PTPRT: variants seen among roughly 807,000 people sequenced by gnomAD.
PTPRT encodes receptor-type tyrosine-protein phosphatase T.
Under a neutral mutation model 176.8 loss-of-function variants are expected in PTPRT, and 56 were observed. The observed-to-expected ratio is 0.32, with a 90% CI of 0.26 to 0.40. The LOEUF is 0.40. PTPRT is among the 10% of genes least tolerant of loss of function. PTPRT has a pLI of 1.00. For missense variants in PTPRT, 1,540 were observed against 1,908.2 expected (o/e 0.81, Z 3.60); for synonymous variants, 783 against 739.0 (o/e 1.06, Z -0.96).
At position 42,138,826 on chromosome 20, in the gene PTPRT, G is replaced by A. The variant is rs374196447; in HGVS notation, c.2770+3089C>T. Among the ~76,000 whole-genome samples, 32 of 152,144 alleles carry A rather than the reference G, an allele frequency of 2.1e-4. No individual in the cohort carries two copies. The East Asian group carries it at 3.1e-3, about 15-fold the overall frequency. On this transcript the variant is annotated intron_variant, in intron 18 of 30. Coordinates refer to ENST00000373187, the MANE Select transcript of PTPRT (RefSeq NM_007050.6). ...TCACTTGGAAGAAAGGAGATATTTC[G>A]CCAAGGTCTCTTGTTGTTTCTTTTG...
intron 13 of PTPRT, among the ~76,000 whole-genome samples, chr20:42,280,027 T>C (rs902313148): frequency 6.6e-6 from 1 of 152,152 alleles, no homozygotes; most frequent in Non-Finnish European, 1.5e-5. Context: ...GGACTTCATA[T>C]GCTTCCAAAG....
intron 12 of PTPRT, among the ~76,000 whole-genome samples, chr20:42,283,760 C>T (rs2057179904): frequency 6.6e-6 from 1 of 152,128 alleles, no homozygotes; most frequent in African/African-American, 2.4e-5. Context: ...GAACCAGACA[C>T]ATGGCCATGC....
chr20:42,780,184 T>A, intron 4 of PTPRT, 34 bp downstream of exon 4: 1 of 1,558,958 alleles, frequency 6.4e-7, no homozygotes, highest in Non-Finnish European at 8.9e-7. Flanking sequence ...CTGGCATGGA[T>A]CAAGGCTGTG....
chr20:42,998,116 C>T (rs571611250), intron 1 of PTPRT, among the ~76,000 whole-genome samples: 2 of 152,272 alleles, frequency 1.3e-5, no homozygotes, highest in East Asian at 3.9e-4. Context: ...AAGCTACCCC[C>T]TCTATGGAAA....
intron 1 of PTPRT, among the ~76,000 whole-genome samples, chr20:43,137,268 G>C (rs2146392507): frequency 6.6e-6 from 1 of 152,334 alleles, no homozygotes; most frequent in South Asian, 2.1e-4. Context: ...CAAGATGTCA[G>C]TGTTCTTTCT....
chr20:42,759,671 G>C (rs1363374388), intron 5 of PTPRT, among the ~76,000 whole-genome samples: 1 of 152,206 alleles, frequency 6.6e-6, no homozygotes, highest in Non-Finnish European at 1.5e-5. Flanking sequence ...CTACCACTTG[G>C]CTTCTCGGAA....
intron 2 of PTPRT, among the ~76,000 whole-genome samples, chr20:42,873,345 G>A (rs1201899496): frequency 6.6e-6 from 1 of 152,126 alleles, no homozygotes; most frequent in Non-Finnish European, 1.5e-5. Flanking sequence ...CACTGCATAG[G>A]GTTTTGTGAA....
intron 17 of PTPRT, among the ~76,000 whole-genome samples, chr20:42,151,739 G>A (rs1247152271): frequency 6.6e-6 from 1 of 152,156 alleles, no homozygotes. Flanking sequence ...TTTCACAATG[G>A]TAGAAACATC....
the PTPRT span, among the ~76,000 whole-genome samples, chr20:42,065,203 C>T: frequency 2.6e-5 from 4 of 152,296 alleles, no homozygotes; most frequent in Admixed American, 2.0e-4. Context: ...TCCTGACCCA[C>T]AAAATTATGA....
At chr20:42,215,890 C>T (rs551136888) in intron 15 of PTPRT, among the ~76,000 whole-genome samples, 1 of 152,164 alleles carries the variant, frequency 6.6e-6, no homozygotes, top group Non-Finnish European at 1.5e-5. Flanking sequence ...TAGGGCCATT[C>T]CTTGCTGAGC....
intron 15 of PTPRT, among the ~76,000 whole-genome samples, chr20:42,235,511 C>G (rs115008926): frequency 2.0e-5 from 3 of 152,028 alleles, no homozygotes. Flanking sequence ...TCTGCCCTCT[C>G]GGCCTCCAAA....
intron 1 of PTPRT, among the ~76,000 whole-genome samples, chr20:43,125,557 G>A (rs535189887): frequency 1.3e-5 from 2 of 152,284 alleles, no homozygotes; most frequent in Non-Finnish European, 2.9e-5. Flanking sequence ...CTTAAATCTA[G>A]ACTTGGCTTG....
intron 7 of PTPRT, among the ~76,000 whole-genome samples, chr20:42,532,970 T>C (rs2072411742): frequency 6.6e-6 from 1 of 152,108 alleles, no homozygotes; most frequent in African/African-American, 2.4e-5. Context: ...TCCCCACTCT[T>C]AATGCAGGGA....
chr20:42,721,309 G>C (rs952685786), intron 6 of PTPRT, among the ~76,000 whole-genome samples: 1 of 152,222 alleles, frequency 6.6e-6, no homozygotes, highest in Non-Finnish European at 1.5e-5. Context: ...GGATGTCAAG[G>C]GAAGTGCATG....
At chr20:42,441,437 A>C (rs2059314858) in intron 9 of PTPRT, among the ~76,000 whole-genome samples, 1 of 152,196 alleles carries the variant, frequency 6.6e-6, no homozygotes, top group Admixed American at 6.5e-5. Flanking sequence ...GCAGTAAGCA[A>C]TGGGAAGAGG....
chr20:42,639,498 T>A (rs2074688289), intron 7 of PTPRT, among the ~76,000 whole-genome samples: 1 of 152,058 alleles, frequency 6.6e-6, no homozygotes, highest in Non-Finnish European at 1.5e-5. Context: ...ATTCCTTGGG[T>A]CTCAACTCTA....
At chr20:43,107,001 G>A (rs1040224395) in intron 1 of PTPRT, among the ~76,000 whole-genome samples, 10 of 152,036 alleles carry the variant, frequency 6.6e-5, no homozygotes, top group Non-Finnish European at 8.8e-5. Flanking sequence ...TGTTGGTCAG[G>A]CTGGTATAGA....
At chr20:42,621,077 C>G (rs117208120) in intron 7 of PTPRT, among the ~76,000 whole-genome samples, 1 of 152,174 alleles carries the variant, frequency 6.6e-6, no homozygotes, top group Non-Finnish European at 1.5e-5. Context: ...CCAGGTCCCT[C>G]CCTCAACAAG....
At chr20:42,858,500 T>C (rs2078605046) in intron 2 of PTPRT, among the ~76,000 whole-genome samples, 1 of 152,130 alleles carries the variant, frequency 6.6e-6, no homozygotes, top group Non-Finnish European at 1.5e-5. Flanking sequence ...CGATGAGGAC[T>C]TTGGGGAGAT....
Sources: allele counts gnomAD v4.1 joint callset (sites outside exome capture counted in the v4.1 genomes callset), GRCh38; gene constraint gnomAD v4.1.1; transcripts MANE v1.5; gene names NCBI Gene and HGNC (gene_info 2026-07-23, HGNC 2026-07-21).